The following KDM4B variants were observed in gnomAD, a reference collection of about 807,000 sequenced individuals.
KDM4B encodes the protein lysine demethylase 4B.
A neutral mutation model predicts 125.2 loss-of-function variants in KDM4B; 32 were observed. The observed-to-expected ratio is 0.26, with a 90% CI of 0.19 to 0.34. The LOEUF (loss-of-function observed/expected upper bound fraction) is 0.34, where lower values mean the gene tolerates loss of function less well. KDM4B is among the 10% of genes least tolerant of loss of function. The probability of loss-of-function intolerance (pLI) is 1.00; values close to 1 mark genes in which losing one functional copy is unlikely to be tolerated. For synonymous variants in KDM4B, 721 were observed against 677.9 expected (o/e 1.06, Z -0.99); for missense variants, 1,190 against 1,577.7 (o/e 0.75, Z 4.16).
At chr19:5,118,600 C>T (rs1043958039) in intron 10 of KDM4B, among the ~76,000 whole-genome samples, 4 of 152,340 alleles carry the variant, frequency 2.6e-5, no homozygotes, top group Non-Finnish European at 5.9e-5. Context: ...ACCCCCTCCG[C>T]ATCTCCAAAA....
chr19:5,040,990 G>A (rs2036795921), intron 4 of KDM4B, 147 bp from the exon 5 acceptor site: 1 of 525,728 alleles, frequency 1.9e-6, no homozygotes, highest in Non-Finnish European at 3.5e-6. Context: ...GAAGCAGGTT[G>A]CGTGGTACCC....
chr19:5,087,139 G>A (rs563878300), intron 9 of KDM4B, among the ~76,000 whole-genome samples: 23 of 152,362 alleles, frequency 1.5e-4, no homozygotes, highest in African/African-American at 4.1e-4. Context: ...GCCTAAACAC[G>A]GCCTCATTCA....
intron 18 of KDM4B, among the ~76,000 whole-genome samples, chr19:5,139,822 T>G (rs765150399): frequency 6.6e-6 from 1 of 152,208 alleles, no homozygotes; most frequent in Admixed American, 6.5e-5. Context: ...TTGGTGCACA[T>G]TGAGGCCCCC....
intron 1 of KDM4B, among the ~76,000 whole-genome samples, chr19:4,978,194 C>T (rs1304771648): frequency 1.3e-5 from 2 of 152,086 alleles, no homozygotes; most frequent in Non-Finnish European, 2.9e-5. Flanking sequence ...GGAAGTCGTT[C>T]TCTTGACACC....
At chr19:5,123,738 G>T (rs549277318) in intron 11 of KDM4B, among the ~76,000 whole-genome samples, 2 of 152,366 alleles carry the variant, frequency 1.3e-5, no homozygotes, top group South Asian at 2.1e-4. Flanking sequence ...CAAGCTGGGC[G>T]CCTGAGCATG....
intron 1 of KDM4B, among the ~76,000 whole-genome samples, chr19:5,003,681 C>T (rs542421567): frequency 1.7e-4 from 25 of 150,268 alleles, no homozygotes; most frequent in Non-Finnish European, 2.4e-4. Context: ...TGGTGGTGGG[C>T]GCCTGTAATC....
At chr19:5,004,783 A>C (rs983240760) in intron 1 of KDM4B, among the ~76,000 whole-genome samples, 34 of 152,216 alleles carry the variant, frequency 2.2e-4, no homozygotes, top group African/African-American at 8.2e-4. Flanking sequence ...TGTTGGGCAG[A>C]GGCCACCCCT....
intron 22 of KDM4B, 92 bp downstream of exon 22, chr19:5,150,542 G>A: frequency 2.3e-6 from 2 of 888,368 alleles, no homozygotes; most frequent in South Asian, 1.6e-5. Flanking sequence ...CCAATGGCGT[G>A]GACCACCCCC....
intron 1 of KDM4B, among the ~76,000 whole-genome samples, chr19:5,011,425 G>A (rs542570374): frequency 2.6e-5 from 4 of 152,350 alleles, no homozygotes; most frequent in Admixed American, 1.3e-4. Flanking sequence ...GAGCGTTCAT[G>A]TCGTGGGCCC....
At chr19:5,103,519 T>C (rs8108061) in intron 9 of KDM4B, among the ~76,000 whole-genome samples, 3,098 of 152,254 alleles carry the variant, frequency 0.02, 68 homozygotes, top group African/African-American at 0.06. Flanking sequence ...GCCGCACTGC[T>C]TCCAGCTCTT....
chr19:5,026,110 TA>T (rs1171870255), intron 2 of KDM4B, among the ~76,000 whole-genome samples: 1 of 151,356 alleles, frequency 6.6e-6, no homozygotes, highest in Non-Finnish European at 1.5e-5. Flanking sequence ...GAGCCCCGAA[TA>T]AAGAAGAAAC....
rs557603223 is a variant in KDM4B at position 5,007,007 on chromosome 19, G to A, written c.-108-9250G>A. 3.6e-4 allele frequency among the ~76,000 whole-genome samples: 55 copies of A among 152,284 alleles called. No homozygotes were observed. In the South Asian group the frequency reaches 6.4e-3, roughly 18 times the overall value. ...GGCAGAAGCATGGGGCTCACGAGGC[G>A]GGGCGGGGGTGGTGAGGACCAGGCG... On this transcript the variant is annotated intron_variant, in intron 1 of 22. Coordinates refer to ENST00000159111, the MANE Select transcript of KDM4B (RefSeq NM_015015.3).
intron 1 of KDM4B, among the ~76,000 whole-genome samples, chr19:4,993,914 G>A (rs1599373422): frequency 6.6e-6 from 1 of 151,602 alleles, no homozygotes; most frequent in East Asian, 1.9e-4. Context: ...ACCACACCTG[G>A]CACATTTTTT....
At position 4,994,157 on chromosome 19, in the gene KDM4B, G is replaced by C. The variant is rs555885848; in HGVS notation, c.-108-22100G>C. 3.3e-5 allele frequency among the ~76,000 whole-genome samples: 5 copies of C among 150,452 alleles called. No homozygotes were observed. The East Asian group carries it at 1.0e-3, about 30-fold the overall frequency. ...AGACGGGTTTTGCCACATTGCCTAAGCTGATCTCGAACTCCTGGGCTCAAG... is the reference window on the plus strand; with the variant it reads ...AGACGGGTTTTGCCACATTGCCTAACCTGATCTCGAACTCCTGGGCTCAAG... On this transcript the variant is annotated intron_variant, in intron 1 of 22. Coordinates refer to ENST00000159111, the MANE Select transcript of KDM4B (RefSeq NM_015015.3).
At chr19:5,149,677 C>G (rs2039912671) in intron 21 of KDM4B, among the ~76,000 whole-genome samples, 1 of 152,190 alleles carries the variant, frequency 6.6e-6, no homozygotes, top group Non-Finnish European at 1.5e-5. Flanking sequence ...CCAGAGGGCC[C>G]CTGAGAGAGT....
Position 5,039,293 on chromosome 19 carries a change from T to A in KDM4B, c.142-543T>A, listed in dbSNP as rs911030284. Reference sequence around the variant, plus strand: ...ACTCCATCTCTAGAGAAAATTAAAATTTTTTAAAAAAATTAGCTGGGCATG... The same window carrying A: ...ACTCCATCTCTAGAGAAAATTAAAAATTTTTAAAAAAATTAGCTGGGCATG... On this transcript the variant is annotated intron_variant, in intron 3 of 22. Transcript: ENST00000159111. Among the ~76,000 whole-genome samples, 6 of 152,184 alleles carry A rather than the reference T, an allele frequency of 3.9e-5. No individual in the cohort carries two copies. In the East Asian group the frequency reaches 7.7e-4, roughly 20 times the overall value.
In KDM4B at chr19:5,131,084, A is replaced by C; in HGVS notation, c.1324A>C (p.Arg442=). 6.6e-7 allele frequency: 1 copy of C among 1,509,732 alleles called. No individual in the cohort carries two copies. Among genetic ancestry groups the C allele is most frequent in the Non-Finnish European group, 8.9e-7 (1 of 1,128,754 alleles). 93.5% of individuals were successfully genotyped at this position (1,509,732 alleles called of 1,614,324 possible). The change falls in exon 12 of 23, where the codon AGG becomes CGG. Residue 442 remains arginine (R), a synonymous_variant. Transcript: ENST00000159111. ...CTCTCCTCTTCCCACAGAGGACGGG[A>C]GGGGCAAGCTGCGGCCAACCAAGGC... is the stretch of plus-strand genomic sequence containing the variant. ...REAEGAEEDG[R]GKLRPTKAKS...
At chr19:5,113,852 G>A (rs1383357249) in intron 10 of KDM4B, 2 of 980,354 alleles carry the variant, frequency 2.0e-6, no homozygotes, top group Admixed American at 6.2e-5. Context: ...CCTGCCCTCG[G>A]CGTGGCTGTG....
At chr19:5,119,955 A>G (rs2039330406) in intron 11 of KDM4B, 103 bp downstream of exon 11, 1 of 1,372,502 alleles carries the variant, frequency 7.3e-7, no homozygotes, top group South Asian at 1.4e-5. Flanking sequence ...CCCGTTTTGT[A>G]AGAATCTGAT....
Sources: gnomAD v4.1 joint callset for allele counts (sites outside exome capture counted in the v4.1 genomes callset) on GRCh38, gnomAD v4.1.1 for gene constraint, MANE v1.5 for transcripts, NCBI Gene and HGNC (gene_info 2026-07-23, HGNC 2026-07-21) for gene names.